The following EEFSEC variants were observed in gnomAD, a reference collection of about 807,000 sequenced individuals.
EEFSEC encodes eukaryotic elongation factor, selenocysteine-tRNA specific, also known as selenocysteine-specific elongation factor.
EEFSEC carries 43 observed loss-of-function variants against 42.1 expected under a neutral mutation model. That is an observed-to-expected ratio of 1.02 (90% CI 0.80 to 1.32). EEFSEC has a LOEUF of 1.32. Ranked by LOEUF, EEFSEC falls within the 40% of genes most tolerant of loss-of-function variation. EEFSEC has a pLI of 0.00. For missense variants in EEFSEC, 745 were observed against 803.6 expected (o/e 0.93, Z 0.88); for synonymous variants, 354 against 339.1 (o/e 1.04, Z -0.48).
chr3:128,351,618 T>G (rs1215949123), intron 5 of EEFSEC, among the ~76,000 whole-genome samples: 1 of 152,232 alleles, frequency 6.6e-6, no homozygotes, highest in Non-Finnish European at 1.5e-5. Flanking sequence ...CTTCACAGCT[T>G]GGGCAATTCC....
At chr3:128,174,207 T>C (rs1282352715) in intron 1 of EEFSEC, among the ~76,000 whole-genome samples, 1 of 152,208 alleles carries the variant, frequency 6.6e-6, no homozygotes. Flanking sequence ...AACCCAGGGC[T>C]GGTTTAAGGC....
intron 4 of EEFSEC, among the ~76,000 whole-genome samples, chr3:128,281,287 C>A (rs2066523237): frequency 6.6e-6 from 1 of 152,192 alleles, no homozygotes. Flanking sequence ...TAATTTGGCT[C>A]CTCCATGGCC....
At chr3:128,340,336 A>G (rs1487443007) in intron 4 of EEFSEC, among the ~76,000 whole-genome samples, 5 of 151,536 alleles carry the variant, frequency 3.3e-5, no homozygotes, top group African/African-American at 7.3e-5. Flanking sequence ...TATGTTGTCT[A>G]ATATAGTCAT....
At chr3:128,391,225 C>T (rs2067909170) in intron 6 of EEFSEC, among the ~76,000 whole-genome samples, 1 of 152,276 alleles carries the variant, frequency 6.6e-6, no homozygotes, top group Admixed American at 6.5e-5. Context: ...CTCCAAACCA[C>T]AGTTCCTTGC....
intron 6 of EEFSEC, among the ~76,000 whole-genome samples, chr3:128,393,546 C>T (rs1559956109): frequency 2.6e-5 from 4 of 152,324 alleles, no homozygotes; most frequent in East Asian, 1.9e-4. Flanking sequence ...ACTCCAAGAC[C>T]GGGGGGCAGC....
chr3:128,241,111 G>A (rs1460164643), intron 1 of EEFSEC, among the ~76,000 whole-genome samples: 1 of 150,538 alleles, frequency 6.6e-6, no homozygotes, highest in Non-Finnish European at 1.5e-5. Context: ...AGCAAAATCA[G>A]TAGACTGAGT....
intron 6 of EEFSEC, chr3:128,362,406 G>A: frequency 2.6e-6 from 1 of 387,672 alleles, no homozygotes; most frequent in Non-Finnish European, 5.2e-6. Context: ...GACAGAAAAG[G>A]GCACACATGT....
rs116183219 is a variant in EEFSEC at position 128,347,357 on chromosome 3, T to A, written c.1443+5468T>A. 3.2e-3 allele frequency among the ~76,000 whole-genome samples: 489 copies of A among 152,222 alleles called. 1 individual carries two copies. The highest frequency in any genetic ancestry group is 0.011 in the African/African-American group (454 of 41,544). On this transcript the variant is annotated intron_variant, in intron 5 of 6. Coordinates refer to ENST00000254730, the MANE Select transcript of EEFSEC (RefSeq NM_021937.5). Reference sequence around the variant, plus strand: ...AGAAAAGAAGTGAAAGTGTTCTAAATGGCTAATCTTTCTGGGGAGAGGGTT... The same window carrying A: ...AGAAAAGAAGTGAAAGTGTTCTAAAAGGCTAATCTTTCTGGGGAGAGGGTT...
chr3:128,410,126 C>T (rs2068164009), downstream of EEFSEC, among the ~76,000 whole-genome samples: 1 of 152,170 alleles, frequency 6.6e-6, no homozygotes, highest in African/African-American at 2.4e-5. Context: ...AGGCTGGTCA[C>T]CTCCCAGCAC....
intron 6 of EEFSEC, among the ~76,000 whole-genome samples, chr3:128,382,694 C>T (rs943110248): frequency 6.6e-6 from 1 of 152,184 alleles, no homozygotes; most frequent in Admixed American, 6.5e-5. Flanking sequence ...GAGCCCTCTT[C>T]CCCTACCCCT....
At chr3:128,293,119 T>C (rs1164599922) in intron 4 of EEFSEC, among the ~76,000 whole-genome samples, 1 of 152,224 alleles carries the variant, frequency 6.6e-6, no homozygotes, top group Non-Finnish European at 1.5e-5. Context: ...TATACTCTTA[T>C]TCCACTGTGG....
intron 2 of EEFSEC, among the ~76,000 whole-genome samples, chr3:128,256,383 A>C (rs1000546243): frequency 1.3e-5 from 2 of 152,266 alleles, no homozygotes; most frequent in African/African-American, 4.8e-5. Flanking sequence ...AATCATAAAA[A>C]ATGACACATT....
chr3:128,348,440 T>C (rs370808597), intron 5 of EEFSEC, among the ~76,000 whole-genome samples: 3 of 152,358 alleles, frequency 2.0e-5, no homozygotes, highest in African/African-American at 7.2e-5. Flanking sequence ...TTTGATTACT[T>C]TGCAGAGAAA....
chr3:128,412,601 C>T (rs75011563), downstream of EEFSEC, among the ~76,000 whole-genome samples: 6,626 of 152,310 alleles, frequency 0.044, 488 homozygotes, highest in African/African-American at 0.15. Flanking sequence ...CGCTGGGGCC[C>T]GTGTGCCTGC....
chr3:128,375,844 T>C (rs1041417637), intron 6 of EEFSEC, among the ~76,000 whole-genome samples: 3 of 152,236 alleles, frequency 2.0e-5, no homozygotes, highest in African/African-American at 7.2e-5. Context: ...ACATGCTCAC[T>C]GCTCACTGTT....
intron 1 of EEFSEC, among the ~76,000 whole-genome samples, chr3:128,178,578 A>G (rs1369509930): frequency 2.0e-5 from 3 of 152,184 alleles, no homozygotes; most frequent in African/African-American, 7.2e-5. Flanking sequence ...GTAATATATA[A>G]AACCCAAGGA....
At chr3:128,404,162 A>AG (rs2068082325) in intron 6 of EEFSEC, among the ~76,000 whole-genome samples, 1 of 152,204 alleles carries the variant, frequency 6.6e-6, no homozygotes, top group Non-Finnish European at 1.5e-5. Flanking sequence ...AGGAAAAAAA[A>AG]GGCCACTGGG....
the EEFSEC span, among the ~76,000 whole-genome samples, chr3:128,421,734 G>A: frequency 6.6e-6 from 1 of 152,154 alleles, no homozygotes; most frequent in East Asian, 1.9e-4. Flanking sequence ...TCTCACCATC[G>A]CCACAGGACT....
At chr3:128,197,616 A>G (rs1315447312) in intron 1 of EEFSEC, among the ~76,000 whole-genome samples, 1 of 151,858 alleles carries the variant, frequency 6.6e-6, no homozygotes, top group Admixed American at 6.6e-5. Context: ...TCTTCTCAGA[A>G]GGCTGTACCA....
Sources: allele counts gnomAD v4.1 joint callset (sites outside exome capture counted in the v4.1 genomes callset), GRCh38; gene constraint gnomAD v4.1.1; transcripts MANE v1.5; gene names NCBI Gene and HGNC (gene_info 2026-07-23, HGNC 2026-07-21).